Variants in SEC13 observed in about 807,000 individuals in gnomAD.
The protein encoded by SEC13 is protein SEC13 homolog.
A neutral mutation model predicts 49.2 loss-of-function variants in SEC13; 25 were observed. The ratio of observed to expected loss-of-function variants is 0.51; its 90% CI spans 0.37 to 0.71. The LOEUF is 0.71. Among genes scored for constraint, SEC13 ranks in the 30% least tolerant of loss-of-function variants. SEC13 has a pLI of 0.00. For missense variants in SEC13, 383 were observed against 417.6 expected (o/e 0.92, Z 0.72); for synonymous variants, 148 against 163.9 (o/e 0.90, Z 0.74).
In SEC13 at chr3:10,305,112, G is replaced by T; in HGVS notation, c.629C>A (p.Ala210Glu). The change falls in exon 7 of 9, where the codon GCG (alanine) becomes GAG (glutamate). Residue 210 changes from alanine to glutamate, a missense_variant. Coordinates refer to ENST00000350697, the MANE Select transcript of SEC13 (RefSeq NM_183352.3). ...CACATCTCGAACCCAGTCACTGTGC[G>T]CTTCTAGCTTCTGCTCCTCCTTCCA... Reference protein sequence around the residue: ...GQWKEEQKLEAHSDWVRDVAW... With the variant: ...GQWKEEQKLEEHSDWVRDVAW... 4 of 1,613,966 alleles carry T rather than the reference G, an allele frequency of 2.5e-6. No individual in the cohort carries two copies. The highest frequency in any genetic ancestry group is 3.4e-6 in the Non-Finnish European group (4 of 1,179,950).
At chr3:10,302,091 A>T (rs1225319439) in intron 8 of SEC13, among the ~76,000 whole-genome samples, 2 of 152,002 alleles carry the variant, frequency 1.3e-5, no homozygotes, top group Non-Finnish European at 2.9e-5. Flanking sequence ...AAAAATACAC[A>T]CAAAAAAACT....
intron 1 of SEC13, chr3:10,320,447 G>A: frequency 1.1e-6 from 1 of 894,642 alleles, no homozygotes; most frequent in Non-Finnish European, 1.3e-6. Context: ...AAAAAACCCT[G>A]AGCCCCTGCC....
chr3:10,314,334 TGTTA>T (rs1268729567), intron 3 of SEC13, among the ~76,000 whole-genome samples: 6 of 152,256 alleles, frequency 3.9e-5, no homozygotes, highest in African/African-American at 1.2e-4. Flanking sequence ...TGTACTTCTT[TGTTA>T]ACACTTCAAG....
At chr3:10,317,888 C>T (rs1013166780) in intron 2 of SEC13, among the ~76,000 whole-genome samples, 162 bp downstream of exon 2, 2 of 152,124 alleles carry the variant, frequency 1.3e-5, no homozygotes, top group African/African-American at 4.8e-5. Context: ...TGCTAGGGAG[C>T]CTGCCATACC....
At chr3:10,309,242 T>C (rs1483040700) in intron 5 of SEC13, among the ~76,000 whole-genome samples, 1 of 151,984 alleles carries the variant, frequency 6.6e-6, no homozygotes, top group Non-Finnish European at 1.5e-5. Flanking sequence ...CGGCTGATAT[T>C]GTTAAGTGTG....
chr3:10,306,376 G>A (rs184707589), intron 5 of SEC13, among the ~76,000 whole-genome samples: 1 of 152,290 alleles, frequency 6.6e-6, no homozygotes, highest in African/African-American at 2.4e-5. Flanking sequence ...ACTCAGGTGT[G>A]ATCCCTTTGG....
chr3:10,304,605 G>C (rs1389668379), intron 7 of SEC13, among the ~76,000 whole-genome samples: 2 of 152,172 alleles, frequency 1.3e-5, no homozygotes. Context: ...AGGCCTAGCT[G>C]GCTCCCTCTA....
At chr3:10,313,567 C>A in intron 3 of SEC13, 1 of 327,800 alleles carries the variant, frequency 3.1e-6, no homozygotes, top group Non-Finnish European at 6.9e-6. Context: ...TCACCGTGGG[C>A]TGCACACACT....
chr3:10,321,072 C>G lies in SEC13; in HGVS notation c.-20G>C. On this transcript the variant is annotated 5_prime_UTR_variant, in exon 1 of 9. Coordinates refer to ENST00000350697, the MANE Select transcript of SEC13 (RefSeq NM_183352.3). This position sits in a 1 kb window ranked among gnomAD's most constrained non-coding sequence, Gnocchi z 4.1. ...CACCATGATTGCGGCGGTGGCTGCT[C>G]CAGGTCTCGGACGTGGCAGCTCCCG... 1 of 1,613,082 alleles carries G rather than the reference C, an allele frequency of 6.2e-7. No individual in the cohort carries two copies. Among genetic ancestry groups the G allele is most frequent in the Non-Finnish European group, 8.5e-7 (1 of 1,179,710 alleles).
At chr3:10,309,179 C>A (rs1378758818) in intron 5 of SEC13, among the ~76,000 whole-genome samples, 1 of 151,684 alleles carries the variant, frequency 6.6e-6, no homozygotes. Flanking sequence ...TTCAGGTGAT[C>A]CGCCCACCTC....
At chr3:10,313,014 T>C (rs553664358) in intron 3 of SEC13, 2 of 390,934 alleles carry the variant, frequency 5.1e-6, no homozygotes, top group Non-Finnish European at 9.4e-6. Flanking sequence ...TTGCCCAGAC[T>C]GCAGCCAGCA....
chr3:10,320,921 A>G (rs2059765691), intron 1 of SEC13, 129 bp downstream of exon 1: 2 of 1,499,018 alleles, frequency 1.3e-6, no homozygotes, highest in African/African-American at 1.5e-5. Flanking sequence ...GAGCCCCCCA[A>G]ATCTCTAAGC....
At position 10,301,208 on chromosome 3, in the gene SEC13, G is replaced by A; in HGVS notation, c.*53C>T. The A allele has an allele frequency of 6.2e-7, 1 of 1,614,122 alleles. No individual in the cohort carries two copies. Among genetic ancestry groups the A allele is most frequent in the Admixed American group, 1.7e-5 (1 of 60,032 alleles). On this transcript the variant is annotated 3_prime_UTR_variant, in exon 9 of 9. Coordinates refer to ENST00000350697, the MANE Select transcript of SEC13 (RefSeq NM_183352.3). The stretch of plus-strand genomic sequence containing the variant: ...CCCAGTTGTCTGGTTAGTTGGCCCA[G>A]GAAGGGGCAGTCCTGGAGCTGGCGG...
intron 8 of SEC13, among the ~76,000 whole-genome samples, chr3:10,303,013 T>A (rs1001639412): frequency 6.6e-6 from 1 of 152,056 alleles, no homozygotes; most frequent in African/African-American, 2.4e-5. Flanking sequence ...AGGAGAAGGG[T>A]GGCTGCCAGG....
rs577870558 is a variant in SEC13 at position 10,301,098 on chromosome 3, C to T, written c.*163G>A. The T allele has an allele frequency of 7.1e-5, 114 of 1,612,954 alleles. No homozygotes were observed. The highest frequency in any genetic ancestry group is 1.7e-4 in the Middle Eastern group (1 of 5,796). On this transcript the variant is annotated 3_prime_UTR_variant, in exon 9 of 9. Transcript: ENST00000350697. ...TGGACAGTAGATTACAAAGCATCTCCGATCACGTTAAGGCAGATGATCAAT... is the reference window on the plus strand; with the variant it reads ...TGGACAGTAGATTACAAAGCATCTCTGATCACGTTAAGGCAGATGATCAAT...
intron 3 of SEC13, chr3:10,313,398 T>TG (rs779288632): frequency 9.4e-6 from 5 of 529,782 alleles, no homozygotes; most frequent in South Asian, 7.0e-5. Flanking sequence ...TCCCATTCAC[T>TG]AGCTCTTGAC....
chr3:10,303,948 A>G, intron 8 of SEC13, 78 bp downstream of exon 8: 6 of 1,520,764 alleles, frequency 3.9e-6, no homozygotes, highest in Non-Finnish European at 5.4e-6. Context: ...TCAGATGGGA[A>G]TGTCAAGTGC....
intron 5 of SEC13, chr3:10,305,973 CTTTT>C (rs534978855): frequency 1.8e-5 from 5 of 278,018 alleles, no homozygotes; most frequent in Admixed American, 4.8e-5. Flanking sequence ...TACATTGGAG[CTTTT>C]TTTTAAGAAA....
At chr3:10,313,324 C>A (rs975312936) in intron 3 of SEC13, 2 of 431,602 alleles carry the variant, frequency 4.6e-6, no homozygotes, top group African/African-American at 2.0e-5. Flanking sequence ...GAAGGTTTTG[C>A]ACCTTAGCAC....
Sources: gnomAD v4.1 joint callset for allele counts (sites outside exome capture counted in the v4.1 genomes callset) on GRCh38, gnomAD v4.1.1 for gene constraint, Gnocchi (gnomAD v3.1) non-coding constraint, MANE v1.5 for transcripts, NCBI Gene and HGNC (gene_info 2026-07-23, HGNC 2026-07-21) for gene names.